PGBD2: variants seen among roughly 807,000 people sequenced by gnomAD.
PGBD2 encodes the protein piggyBac transposable element derived 2, also known as piggyBac transposable element-derived protein 2.
A neutral mutation model predicts 8.1 loss-of-function variants in PGBD2; 6 were observed. The ratio of observed to expected loss-of-function variants is 0.74; its 90% CI spans 0.40 to 1.46. PGBD2 has a LOEUF of 1.46. Ranked by LOEUF, PGBD2 falls within the 40% of genes most tolerant of loss-of-function variation. The pLI, the probability that PGBD2 is intolerant of heterozygous loss-of-function variation, is 0.02. For missense variants in PGBD2, 802 were observed against 739.0 expected, an observed-to-expected ratio of 1.09 and a Z score of -0.99; for synonymous variants, 318 against 272.2, an observed-to-expected ratio of 1.17 and a Z score of -1.66.
intron 1 of PGBD2, 130 bp from the exon 2 acceptor site, chr1:248,913,686 T>G: frequency 1.6e-6 from 1 of 632,392 alleles, no homozygotes; most frequent in Non-Finnish European, 2.8e-6. Context: ...GAATAACCAG[T>G]CGACCCAGAC....
At chr1:248,929,261 G>A in the PGBD2 span, among the ~76,000 whole-genome samples, 333 of 152,064 alleles carry the variant, frequency 2.2e-3, 2 homozygotes, top group African/African-American at 7.8e-3. Flanking sequence ...TTTTATTGTA[G>A]GGAATCGTTC....
chr1:248,874,295 C>G, the PGBD2 span, among the ~76,000 whole-genome samples: 4 of 152,132 alleles, frequency 2.6e-5, no homozygotes, highest in African/African-American at 4.8e-5. Context: ...CCGCCGCGGC[C>G]CGGGTTCGAT....
chr1:248,889,174 C>T, the PGBD2 span, among the ~76,000 whole-genome samples: 3 of 152,174 alleles, frequency 2.0e-5, no homozygotes, highest in Non-Finnish European at 4.4e-5. Flanking sequence ...ATCATGAGGT[C>T]AGGAGTTCGA....
chr1:248,916,505 G>C (rs947951343), intron 2 of PGBD2, 97 bp from the exon 3 acceptor site: 7 of 989,620 alleles, frequency 7.1e-6, no homozygotes, highest in Non-Finnish European at 1.1e-5. Flanking sequence ...AGCCATTCAA[G>C]TGGAAGTGTT....
intron 1 of PGBD2, among the ~76,000 whole-genome samples, chr1:248,912,310 T>C (rs1661922212): frequency 1.3e-5 from 2 of 152,230 alleles, no homozygotes; most frequent in Admixed American, 6.5e-5. Flanking sequence ...CATTAAATTA[T>C]TCAAGCGTGA....
chr1:248,889,566 T>C, the PGBD2 span, among the ~76,000 whole-genome samples: 2 of 152,122 alleles, frequency 1.3e-5, no homozygotes, highest in Non-Finnish European at 2.9e-5. Context: ...GCTTCATGCA[T>C]TTCAAGGAAA....
chr1:248,880,711 T>C, the PGBD2 span, among the ~76,000 whole-genome samples: 112 of 152,340 alleles, frequency 7.4e-4, no homozygotes, highest in African/African-American at 2.6e-3. Context: ...ATAAAACTGT[T>C]AGTCTTTGTT....
chr1:248,920,713 C>T (rs1171936335), downstream of PGBD2, among the ~76,000 whole-genome samples: 2 of 152,172 alleles, frequency 1.3e-5, no homozygotes, highest in South Asian at 2.1e-4. Flanking sequence ...CTTAAGGAAT[C>T]GCCACACTGT....
the PGBD2 span, among the ~76,000 whole-genome samples, chr1:248,885,103 C>G: frequency 6.6e-6 from 1 of 151,992 alleles, no homozygotes; most frequent in Non-Finnish European, 1.5e-5. Flanking sequence ...CACAAGGGGT[C>G]TCTTCTGTCA....
At chr1:248,875,283 G>A in the PGBD2 span, among the ~76,000 whole-genome samples, 1,760 of 130,498 alleles carry the variant, frequency 0.013, 66 homozygotes, top group East Asian at 0.16. Flanking sequence ...GCGACAGAGC[G>A]AGACTCCGTC....
chr1:248,913,123 A>G (rs1478277361), intron 1 of PGBD2, among the ~76,000 whole-genome samples: 1 of 152,050 alleles, frequency 6.6e-6, no homozygotes, highest in Non-Finnish European at 1.5e-5. Flanking sequence ...ATTTTATAAA[A>G]AGAACTAACA....
chr1:248,904,474 A>G (rs1661586017), upstream of PGBD2, among the ~76,000 whole-genome samples: 1 of 152,252 alleles, frequency 6.6e-6, no homozygotes, highest in Non-Finnish European at 1.5e-5. Context: ...ACTTTAAATT[A>G]CATATGCAAG....
the PGBD2 span, among the ~76,000 whole-genome samples, chr1:248,885,291 TG>T: frequency 6.6e-6 from 1 of 151,150 alleles, no homozygotes; most frequent in Non-Finnish European, 1.5e-5. Flanking sequence ...TGAGCCACGA[TG>T]TCTGGCTACT....
At chr1:248,909,932 C>G (rs1427533700) in intron 1 of PGBD2, among the ~76,000 whole-genome samples, 2 of 152,174 alleles carry the variant, frequency 1.3e-5, no homozygotes, top group Admixed American at 1.3e-4. Flanking sequence ...TATTTCAGAG[C>G]TTGGTTGGCA....
chr1:248,882,421 A>C, the PGBD2 span, among the ~76,000 whole-genome samples: 26 of 152,250 alleles, frequency 1.7e-4, no homozygotes, highest in African/African-American at 6.0e-4. Flanking sequence ...ACAGAAACAC[A>C]GTATTTCCAT....
the PGBD2 span, among the ~76,000 whole-genome samples, chr1:248,880,227 C>T: frequency 9.1e-4 from 138 of 152,284 alleles, 3 homozygotes; most frequent in East Asian, 0.026. Flanking sequence ...AAGCTGTTGT[C>T]TCCACCCTGG....
At chr1:248,894,614 C>T in the PGBD2 span, among the ~76,000 whole-genome samples, 1 of 152,138 alleles carries the variant, frequency 6.6e-6, no homozygotes, top group Non-Finnish European at 1.5e-5. Flanking sequence ...TATTCTTTCA[C>T]TTTAATAAGT....
At chr1:248,924,427 A>G (rs1467427442), downstream of PGBD2, among the ~76,000 whole-genome samples, 1 of 152,184 alleles carries the variant, frequency 6.6e-6, no homozygotes, top group Non-Finnish European at 1.5e-5. Flanking sequence ...AGTAGAAGAT[A>G]TTTTGCCAAA....
At chr1:248,883,590 T>TC in the PGBD2 span, among the ~76,000 whole-genome samples, 613 of 136,132 alleles carry the variant, frequency 4.5e-3, 6 homozygotes, top group African/African-American at 0.017. Flanking sequence ...TTTTCTTTTT[T>TC]TTTTTTTTTT....
Sources: gnomAD v4.1 joint callset for allele counts (sites outside exome capture counted in the v4.1 genomes callset) on GRCh38, gnomAD v4.1.1 for gene constraint, MANE v1.5 for transcripts, NCBI Gene and HGNC (gene_info 2026-07-23, HGNC 2026-07-21) for gene names.